The following KAZN variants were observed in gnomAD, a reference collection of about 807,000 sequenced individuals.
KAZN encodes kazrin, periplakin interacting protein.
Under a neutral mutation model 87.4 loss-of-function variants are expected in KAZN, and 40 were observed. The ratio of observed to expected loss-of-function variants is 0.46; its 90% CI spans 0.36 to 0.60. The LOEUF is 0.60. Among genes scored for constraint, KAZN ranks in the 20% least tolerant of loss-of-function variants. KAZN has a pLI of 0.00. For missense variants in KAZN, 898 were observed against 1,073.9 expected (o/e 0.84, Z 2.29); for synonymous variants, 466 against 458.3 (o/e 1.02, Z -0.22).
chr1:14,019,131 TC>T (rs1396438726), intron 1 of KAZN, among the ~76,000 whole-genome samples: 2 of 152,218 alleles, frequency 1.3e-5, no homozygotes, highest in African/African-American at 4.8e-5. Context: ...ACTTAATTCT[TC>T]CTTGCAGACT....
At chr1:14,105,040 G>T (rs755354107) in intron 1 of KAZN, among the ~76,000 whole-genome samples, 3 of 152,098 alleles carry the variant, frequency 2.0e-5, no homozygotes, top group Non-Finnish European at 2.9e-5. Context: ...TCTCATAAGC[G>T]CTGGAACTCT....
intron 1 of KAZN, among the ~76,000 whole-genome samples, chr1:14,128,821 A>G (rs1486147458): frequency 6.6e-6 from 1 of 152,176 alleles, no homozygotes; most frequent in Non-Finnish European, 1.5e-5. Context: ...AATAGATGTC[A>G]CACATTAACC....
intron 1 of KAZN, among the ~76,000 whole-genome samples, chr1:14,777,286 A>G (rs949569040): frequency 2.0e-5 from 3 of 152,066 alleles, no homozygotes; most frequent in African/African-American, 7.2e-5. Context: ...ATGAGCCACC[A>G]CGCCCAGCCC....
chr1:14,626,506 G>A (rs1423232436), intron 1 of KAZN, among the ~76,000 whole-genome samples: 2 of 152,150 alleles, frequency 1.3e-5, no homozygotes, highest in Admixed American at 6.5e-5. Flanking sequence ...TGCCTTGCCC[G>A]GGGTTACCAT....
chr1:14,841,194 G>A (rs1159014057), intron 1 of KAZN, among the ~76,000 whole-genome samples: 1 of 151,868 alleles, frequency 6.6e-6, no homozygotes, highest in Non-Finnish European at 1.5e-5. Context: ...AAGGCGGGTG[G>A]ATCATGAGGT....
chr1:14,719,351 A>C (rs915857462), intron 1 of KAZN, among the ~76,000 whole-genome samples: 7 of 152,218 alleles, frequency 4.6e-5, no homozygotes, highest in Admixed American at 1.3e-4. Flanking sequence ...GAGCAGGCAA[A>C]AGCCCTTGCC....
chr1:14,140,080 G>C (rs1645203489), intron 1 of KAZN, among the ~76,000 whole-genome samples: 1 of 151,984 alleles, frequency 6.6e-6, no homozygotes, highest in Admixed American at 6.6e-5. Context: ...CTGGCTCTAG[G>C]AACTGTAGAG....
chr1:14,678,129 C>T (rs1402993196), intron 1 of KAZN, among the ~76,000 whole-genome samples: 4 of 151,932 alleles, frequency 2.6e-5, no homozygotes, highest in Non-Finnish European at 5.9e-5. Context: ...TGGGTGTTGC[C>T]GGAAGAGATT....
chr1:14,740,488 A>G (rs577778997), intron 1 of KAZN, among the ~76,000 whole-genome samples: 1 of 152,236 alleles, frequency 6.6e-6, no homozygotes, highest in East Asian at 1.9e-4. Context: ...ACAGCTGCCA[A>G]CTGCTGCCTT....
chr1:14,961,618 C>T (rs987203246), intron 2 of KAZN, among the ~76,000 whole-genome samples: 2 of 152,166 alleles, frequency 1.3e-5, no homozygotes, highest in African/African-American at 4.8e-5. Context: ...TTGGAGAACT[C>T]AGGCATGAAA....
At chr1:13,955,363 A>G (rs904491283) in intron 1 of KAZN, among the ~76,000 whole-genome samples, 1 of 152,184 alleles carries the variant, frequency 6.6e-6, no homozygotes, top group Non-Finnish European at 1.5e-5. Context: ...TTTACTGTGT[A>G]AAGTGGCCTC....
intron 1 of KAZN, among the ~76,000 whole-genome samples, chr1:14,933,143 G>T (rs1278623357): frequency 6.6e-6 from 1 of 152,170 alleles, no homozygotes; most frequent in Admixed American, 6.5e-5. Context: ...CCAAGCTGGA[G>T]TCCAATGGCA....
chr1:14,313,124 C>T (rs1277255913), intron 2 of KAZN, among the ~76,000 whole-genome samples: 1 of 152,144 alleles, frequency 6.6e-6, no homozygotes, highest in Non-Finnish European at 1.5e-5. Flanking sequence ...TAATCAAGCA[C>T]ACCACTGTAA....
chr1:14,445,829 T>C (rs1444781622), intron 2 of KAZN, among the ~76,000 whole-genome samples: 5 of 152,048 alleles, frequency 3.3e-5, no homozygotes, highest in Non-Finnish European at 7.4e-5. Context: ...CCCATTTGTC[T>C]CTAGCGCAGG....
At chr1:14,217,338 A>G (rs1646979605) in intron 2 of KAZN, among the ~76,000 whole-genome samples, 1 of 152,148 alleles carries the variant, frequency 6.6e-6, no homozygotes, top group Non-Finnish European at 1.5e-5. Flanking sequence ...ATAGCTTCAC[A>G]AAAAATTTAA....
At chr1:14,954,399 G>A (rs1446489904) in intron 1 of KAZN, among the ~76,000 whole-genome samples, 1 of 152,226 alleles carries the variant, frequency 6.6e-6, no homozygotes, top group Non-Finnish European at 1.5e-5. Flanking sequence ...CTCCAGTAAG[G>A]ATGACTCCTT....
chr1:14,975,284 G>A (rs1311650990), intron 2 of KAZN, among the ~76,000 whole-genome samples: 1 of 152,178 alleles, frequency 6.6e-6, no homozygotes, highest in East Asian at 1.9e-4. Flanking sequence ...TTGAGCTCCC[G>A]CCCAACTTTT....
chr1:14,176,358 T>C (rs1169238181), intron 1 of KAZN, among the ~76,000 whole-genome samples: 1 of 152,066 alleles, frequency 6.6e-6, no homozygotes, highest in Non-Finnish European at 1.5e-5. Context: ...AGAGTGTAGG[T>C]GGTAGAGCTA....
intron 2 of KAZN, among the ~76,000 whole-genome samples, chr1:15,004,203 C>T (rs1048539403): frequency 6.6e-6 from 1 of 152,116 alleles, no homozygotes; most frequent in African/African-American, 2.4e-5. Flanking sequence ...AAAATGTGCA[C>T]TTTTTGCATT....
Sources: allele counts gnomAD v4.1 joint callset (sites outside exome capture counted in the v4.1 genomes callset), GRCh38; gene constraint gnomAD v4.1.1; transcripts MANE v1.5; gene names NCBI Gene and HGNC (gene_info 2026-07-23, HGNC 2026-07-21).